Variants in LINGO1 observed in about 807,000 individuals in gnomAD.
The protein encoded by LINGO1 is leucine rich repeat and Ig domain containing 1, also known as leucine-rich repeat and immunoglobulin-like domain-containing nogo receptor-interacting protein 1.
In LINGO1, 11 loss-of-function variants were observed where a neutral mutation model predicts 37.3. The ratio of observed to expected loss-of-function variants is 0.29; its 90% CI spans 0.19 to 0.49. LINGO1 has a LOEUF of 0.49. Among genes scored for constraint, LINGO1 ranks in the 20% least tolerant of loss-of-function variants. LINGO1 has a pLI of 0.99. For synonymous variants in LINGO1, 387 were observed against 403.0 expected (o/e 0.96, Z 0.48); for missense variants, 585 against 878.2 (o/e 0.67, Z 4.22).
At chr15:77,770,438 T>C (rs1011876254) in intron 1 of LINGO1, among the ~76,000 whole-genome samples, 1 of 151,802 alleles carries the variant, frequency 6.6e-6, no homozygotes, top group African/African-American at 2.4e-5. Flanking sequence ...AAATACAAAA[T>C]TAGTCAGGCG....
At chr15:77,680,383 G>A (rs929787038) in intron 2 of LINGO1, among the ~76,000 whole-genome samples, 1 of 152,204 alleles carries the variant, frequency 6.6e-6, no homozygotes, top group African/African-American at 2.4e-5. Flanking sequence ...AATCCCCACT[G>A]CCCCTTTGGG....
At chr15:77,732,288 A>G (rs865862079) in intron 2 of LINGO1, among the ~76,000 whole-genome samples, 3 of 152,188 alleles carry the variant, frequency 2.0e-5, no homozygotes, top group Admixed American at 6.5e-5. Context: ...TCTGTGCTGG[A>G]CTGAGGTGAA....
chr15:77,714,411 T>TG (rs2075958435), intron 2 of LINGO1, among the ~76,000 whole-genome samples: 1 of 152,094 alleles, frequency 6.6e-6, no homozygotes, highest in African/African-American at 2.4e-5. Flanking sequence ...CACGGCCCCC[T>TG]GCCCCTTGGA....
intron 1 of LINGO1, among the ~76,000 whole-genome samples, chr15:77,813,795 G>A (rs893259606): frequency 3.3e-5 from 5 of 152,312 alleles, no homozygotes; most frequent in African/African-American, 9.6e-5. Flanking sequence ...ATTTTGTCCC[G>A]TGTCCAAAGG....
intron 1 of LINGO1, among the ~76,000 whole-genome samples, chr15:77,771,586 C>G (rs146723203): frequency 6.6e-6 from 1 of 152,368 alleles, no homozygotes; most frequent in Non-Finnish European, 1.5e-5. Context: ...AAGCCTCCAA[C>G]CTGGTCCCGG....
intron 1 of LINGO1, among the ~76,000 whole-genome samples, chr15:77,810,770 G>C (rs1030447145): frequency 6.6e-6 from 1 of 152,168 alleles, no homozygotes; most frequent in Non-Finnish European, 1.5e-5. Context: ...GGAGAGTACT[G>C]GGGGAGGAAT....
chr15:77,620,921 C>T (rs907890789), intron 1 of LINGO1, among the ~76,000 whole-genome samples: 5 of 152,148 alleles, frequency 3.3e-5, no homozygotes, highest in South Asian at 4.1e-4. Flanking sequence ...GTGCCATAGG[C>T]AGCATCTGGA....
At chr15:77,800,754 C>T (rs1423511902) in intron 1 of LINGO1, among the ~76,000 whole-genome samples, 1 of 152,102 alleles carries the variant, frequency 6.6e-6, no homozygotes, top group Non-Finnish European at 1.5e-5. Context: ...GCAAAAGACA[C>T]ATAAACAAAG....
At chr15:77,755,057 C>T (rs1164350033) in intron 1 of LINGO1, among the ~76,000 whole-genome samples, 1 of 152,194 alleles carries the variant, frequency 6.6e-6, no homozygotes, top group African/African-American at 2.4e-5. Flanking sequence ...GAGACCAAGC[C>T]ACAGATGGAT....
chr15:77,731,630 C>G (rs577818472), intron 2 of LINGO1, among the ~76,000 whole-genome samples: 1 of 152,288 alleles, frequency 6.6e-6, no homozygotes, highest in East Asian at 1.9e-4. Context: ...TCCTCACTCT[C>G]CTCCCTGCCA....
rs376694683 is a variant in LINGO1, at chr15:77,614,589, G to A, written c.1318C>T (p.His440Tyr). 1 of 1,611,014 alleles carries A rather than the reference G, an allele frequency of 6.2e-7. No individual in the cohort carries two copies. The highest frequency in any genetic ancestry group is 1.3e-5 in the African/African-American group (1 of 75,030). The stretch of plus-strand genomic sequence containing the variant: ...GCCCGGCACACAAACTGCACCGTGT[G>A]GCCCTCGTCCACAAACACCTGCTGG... The part of the protein sequence containing the change: ...KAQQVFVDEG[H>Y]TVQFVCRADG... Residue 440 changes from histidine to tyrosine, a missense_variant, in exon 2 of 2, where the codon CAC becomes TAC. Around this residue, in one of 4 missense-constraint regions of LINGO1, gnomAD observed 484 missense variants for 735.0 expected, o/e 0.66. Transcript: ENST00000355300.
At chr15:77,633,224 C>G (rs1251504513), upstream of LINGO1, among the ~76,000 whole-genome samples, 1 of 152,056 alleles carries the variant, frequency 6.6e-6, no homozygotes, top group African/African-American at 2.4e-5. Context: ...AGCCGGGTGT[C>G]GGGGAGTCCG....
chr15:77,773,315 G>A (rs1239497631), intron 1 of LINGO1, among the ~76,000 whole-genome samples: 1 of 152,206 alleles, frequency 6.6e-6, no homozygotes, highest in East Asian at 1.9e-4. Context: ...TTCAATTCCA[G>A]CGTTATAACA....
rs74598005 is a variant in LINGO1 at position 77,810,347 on chromosome 15, C to T, written c.-458+9911G>A. Among the ~76,000 whole-genome samples the T allele has an allele frequency of 4.7e-3, 565 of 120,876 alleles. 17 individuals are homozygous for T. In the East Asian group the frequency reaches 0.048, roughly 10 times the overall value. 79.3% of individuals were successfully genotyped at this position (120,876 alleles called of 152,430 possible). On this transcript the variant is annotated intron_variant, in intron 1 of 5. Transcript: ENST00000562933. ...ATACACATGCACACACACACACATGCACACACACACACACAGAGGAATCTA... is the reference window on the plus strand; with the variant it reads ...ATACACATGCACACACACACACATGTACACACACACACACAGAGGAATCTA...
At chr15:77,646,101 G>A (rs1369119901) in intron 3 of LINGO1, among the ~76,000 whole-genome samples, 2 of 152,236 alleles carry the variant, frequency 1.3e-5, no homozygotes, top group African/African-American at 2.4e-5. Context: ...GCCTGGTGGC[G>A]TGTGATGGAA....
chr15:77,727,727 T>G (rs1033068083), intron 2 of LINGO1, among the ~76,000 whole-genome samples: 1 of 59,986 alleles, frequency 1.7e-5, no homozygotes, highest in African/African-American at 3.9e-5. Flanking sequence ...ATTTTATATG[T>G]TTTTTTTTTA....
intron 3 of LINGO1, chr15:77,648,091 A>G (rs998051392): frequency 2.4e-5 from 9 of 369,066 alleles, no homozygotes; most frequent in African/African-American, 1.7e-4. Flanking sequence ...GGACTTTGGT[A>G]TCAGGTGTGG....
rs974336695 is a variant in LINGO1, at chr15:77,717,611, A to G, written c.-195+17381T>C. ...CCCCGATAGTTGGGGAGGAATGGCA[A>G]GGAGAGGCAGACAGGCAGGGAGGGC... is the stretch of plus-strand genomic sequence containing the variant. On this transcript the variant is annotated intron_variant, in intron 2 of 3. Coordinates refer to the LINGO1 transcript ENST00000561686. 3.0e-4 allele frequency among the ~76,000 whole-genome samples: 45 copies of G among 150,820 alleles called. 6 individuals carry two copies. Among genetic ancestry groups the G allele is most frequent in the Non-Finnish European group, 4.7e-4 (32 of 67,590 alleles).
At chr15:77,634,101 CGGATTCTGGGG>C (rs1372766910), upstream of LINGO1, among the ~76,000 whole-genome samples, 1 of 152,184 alleles carries the variant, frequency 6.6e-6, no homozygotes, top group Non-Finnish European at 1.5e-5. Context: ...CAAAGCCTCT[CGGATTCTGGGG>C]CAGACGCTGG....
Sources: gnomAD v4.1 joint callset for allele counts (sites outside exome capture counted in the v4.1 genomes callset) on GRCh38, gnomAD v4.1.1 for gene constraint, gnomAD v4.1.1 regional missense constraint, MANE v1.5 for transcripts, NCBI Gene and HGNC (gene_info 2026-07-23, HGNC 2026-07-21) for gene names.